INTS4: variants seen among roughly 807,000 people sequenced by gnomAD.
INTS4 encodes the protein MSTP093.
Under a neutral mutation model 119.5 loss-of-function variants are expected in INTS4, and 70 were observed. That is an observed-to-expected ratio of 0.59 (90% CI 0.48 to 0.71). The LOEUF (loss-of-function observed/expected upper bound fraction) is 0.71, where lower values mean the gene tolerates loss of function less well. Among genes scored for constraint, INTS4 ranks in the 30% least tolerant of loss-of-function variants. The probability of loss-of-function intolerance (pLI) is 0.00; values close to 1 mark genes in which losing one functional copy is unlikely to be tolerated. For missense variants in INTS4, 867 were observed against 1,173.2 expected, an observed-to-expected ratio of 0.74 and a Z score of 3.81; for synonymous variants, 316 against 419.6, an observed-to-expected ratio of 0.75 and a Z score of 3.02.
chr11:77,943,922 T>TG (rs1365023144), intron 8 of INTS4, among the ~76,000 whole-genome samples: 2 of 152,216 alleles, frequency 1.3e-5, no homozygotes, highest in Non-Finnish European at 2.9e-5. Context: ...GCATTTACCC[T>TG]GGGAAAGACC....
At chr11:77,932,639 T>C (rs1361829555) in intron 10 of INTS4, among the ~76,000 whole-genome samples, 2 of 152,134 alleles carry the variant, frequency 1.3e-5, no homozygotes, top group Non-Finnish European at 2.9e-5. Context: ...ATCATTCTAC[T>C]ATAAGAACAC....
In INTS4 at chr11:77,963,367, A is replaced by AAC. The variant is rs1555039220; in HGVS notation, c.472-2230_472-2229insGT. On this transcript the variant is annotated intron_variant, in intron 4 of 22. Transcript: ENST00000534064. ...GACTCCGTCTCAAAAAAAAAAAAAAAAAAAAAACAAAAAAAACTGCTTTTC... is the reference window on the plus strand; with the variant it reads ...GACTCCGTCTCAAAAAAAAAAAAAAAACAAAAAAACAAAAAAAACTGCTTTTC... 264 of 389,684 alleles carry AAC rather than the reference A, an allele frequency of 6.8e-4. 5 individuals carry two copies. Among genetic ancestry groups the AAC allele is most frequent in the African/African-American group, 5.4e-3 (229 of 42,426 alleles). 24.1% of individuals were successfully genotyped at this position (389,684 alleles called of 1,614,324 possible).
chr11:77,877,016 G>A (rs1251719423), downstream of INTS4: 2 of 703,046 alleles, frequency 2.8e-6, no homozygotes, highest in African/African-American at 3.5e-5. Context: ...CCTGGCTACA[G>A]CTTCATGGCA....
intron 7 of INTS4, 80 bp downstream of exon 7, chr11:77,958,666 T>C (rs1425181725): frequency 3.8e-6 from 3 of 799,222 alleles, no homozygotes; most frequent in Non-Finnish European, 6.4e-6. Flanking sequence ...ATTTCTTTTC[T>C]AGAAGTGGGC....
chr11:77,967,027 T>C (rs893516361), intron 4 of INTS4, among the ~76,000 whole-genome samples: 2 of 152,228 alleles, frequency 1.3e-5, no homozygotes, highest in East Asian at 1.9e-4. Flanking sequence ...GCAATAGCTA[T>C]CCTAATGGGT....
At chr11:77,910,560 T>C (rs1255965145) in intron 15 of INTS4, among the ~76,000 whole-genome samples, 1 of 152,008 alleles carries the variant, frequency 6.6e-6, no homozygotes, top group African/African-American at 2.4e-5. Context: ...ACCTGCACAT[T>C]GTGCACATGT....
chr11:77,885,106 C>A (rs1350670584), intron 21 of INTS4, among the ~76,000 whole-genome samples: 1 of 151,930 alleles, frequency 6.6e-6, no homozygotes, highest in African/African-American at 2.4e-5. Context: ...TTGAGATAGT[C>A]TCACTCTGTC....
At chr11:77,989,257 G>A in intron 2 of INTS4, among the ~76,000 whole-genome samples, 1 of 152,152 alleles carries the variant, frequency 6.6e-6, no homozygotes, top group East Asian at 1.9e-4. Context: ...GGAGGCCGAG[G>A]CAGGTGGATC....
chr11:77,971,836 A>G (rs7938648), intron 4 of INTS4, among the ~76,000 whole-genome samples: 10 of 151,926 alleles, frequency 6.6e-5, no homozygotes, highest in African/African-American at 2.4e-5. Flanking sequence ...AATCCACTCC[A>G]AAATCCAAAG....
intron 6 of INTS4, 105 bp from the exon 7 acceptor site, chr11:77,958,939 A>G (rs4123593): frequency 0.2 from 141,837 of 722,044 alleles, 14,486 homozygotes; most frequent in Non-Finnish European, 0.21. Flanking sequence ...ATGCCCAGTA[A>G]AACACTTGTG....
At position 77,952,949 on chromosome 11, in the gene INTS4, G is replaced by A. The variant is rs183191523; in HGVS notation, c.918+2993C>T. 2.4e-4 allele frequency among the ~76,000 whole-genome samples: 37 copies of A among 152,264 alleles called. No individual in the cohort carries two copies. The Middle Eastern group carries it at 0.014, about 56-fold the overall frequency. On this transcript the variant is annotated intron_variant, in intron 8 of 22. Coordinates refer to ENST00000534064, the MANE Select transcript of INTS4 (RefSeq NM_033547.4). ...CTGTAAATGCCGAATGAAAGGATCT[G>A]ATGAATGATTAGACTGTTCTGAATT...
chr11:77,990,726 A>G (rs1856647655), intron 2 of INTS4, among the ~76,000 whole-genome samples: 1 of 151,708 alleles, frequency 6.6e-6, no homozygotes, highest in Non-Finnish European at 1.5e-5. Flanking sequence ...ATTAAAAAAG[A>G]GGGCCACTGC....
intron 14 of INTS4, among the ~76,000 whole-genome samples, chr11:77,920,288 T>C (rs58801682): frequency 3.3e-5 from 4 of 119,424 alleles, no homozygotes; most frequent in South Asian, 4.9e-4. Context: ...CACATATATA[T>C]ATATACACAC....
Position 77,938,828 on chromosome 11 carries a change from G to A in INTS4, c.991-3C>T, listed in dbSNP as rs1432304396. ...CGCTCATGTGCAGTACGTTTCCTCT[G>A]CAGAGGACAACAACAATTACCAATT... is the stretch of plus-strand genomic sequence containing the variant. On this transcript the variant is annotated splice_polypyrimidine_tract_variant and splice_region_variant and intron_variant, in intron 9 of 22. Coordinates refer to ENST00000534064, the MANE Select transcript of INTS4 (RefSeq NM_033547.4). 2.5e-6 allele frequency: 4 copies of A among 1,606,666 alleles called. No homozygotes were observed. Among genetic ancestry groups the A allele is most frequent in the South Asian group, 1.1e-5 (1 of 89,984 alleles).
chr11:77,888,280 A>G (rs1405262219), intron 21 of INTS4, among the ~76,000 whole-genome samples: 1 of 152,216 alleles, frequency 6.6e-6, no homozygotes, highest in African/African-American at 2.4e-5. Context: ...CATATCTACA[A>G]CCATCTGATC....
intron 14 of INTS4, among the ~76,000 whole-genome samples, chr11:77,920,194 T>TACAC (rs879326268): frequency 7.2e-6 from 1 of 138,806 alleles, no homozygotes; most frequent in African/African-American, 2.8e-5. Flanking sequence ...CACATATATA[T>TACAC]ACATATATAT....
chr11:77,952,513 T>C (rs1378187571), intron 8 of INTS4, among the ~76,000 whole-genome samples: 1 of 152,258 alleles, frequency 6.6e-6, no homozygotes, highest in African/African-American at 2.4e-5. Context: ...AATATGTGTG[T>C]ATTTATGTGT....
intron 15 of INTS4, chr11:77,918,177 A>G (rs1953249127): frequency 1.4e-6 from 1 of 691,706 alleles, no homozygotes; most frequent in Non-Finnish European, 2.6e-6. Context: ...CACGCCTGTA[A>G]TTCCAGCACT....
chr11:77,904,057 T>A (rs981260530), intron 16 of INTS4, among the ~76,000 whole-genome samples: 3 of 152,346 alleles, frequency 2.0e-5, no homozygotes, highest in African/African-American at 2.4e-5. Context: ...AACCACTTTA[T>A]CAACATATTC....
Sources: allele counts gnomAD v4.1 joint callset (sites outside exome capture counted in the v4.1 genomes callset), GRCh38; gene constraint gnomAD v4.1.1; transcripts MANE v1.5; gene names NCBI Gene and HGNC (gene_info 2026-07-23, HGNC 2026-07-21).